SLC43A2: variants seen among roughly 807,000 people sequenced by gnomAD.
SLC43A2 encodes solute carrier family 43 member 2.
In SLC43A2, 38 loss-of-function variants were observed where a neutral mutation model predicts 63.2. The observed-to-expected ratio is 0.60, with a 90% CI of 0.46 to 0.79. SLC43A2 has a LOEUF of 0.79. Ranked by LOEUF, SLC43A2 falls within the 30% of genes least tolerant of loss-of-function variation. SLC43A2 has a pLI of 0.00. For missense variants in SLC43A2, 644 were observed against 756.2 expected, an observed-to-expected ratio of 0.85 and a Z score of 1.74; for synonymous variants, 322 against 331.0, an observed-to-expected ratio of 0.97 and a Z score of 0.30.
chr17:1,591,023 A>C (rs1904717409), intron 8 of SLC43A2, 75 bp from the exon 9 acceptor site: 1 of 1,482,862 alleles, frequency 6.7e-7, no homozygotes, highest in East Asian at 2.5e-5. Context: ...AGATCCCTCC[A>C]CGCTGGAGGC....
chr17:1,584,913 T>C (rs1052863924), intron 10 of SLC43A2, among the ~76,000 whole-genome samples: 7 of 152,210 alleles, frequency 4.6e-5, no homozygotes, highest in African/African-American at 1.7e-4. Flanking sequence ...CTCCAGTACC[T>C]TGTTTAATCT....
intron 12 of SLC43A2, among the ~76,000 whole-genome samples, chr17:1,576,989 C>T (rs1329353875): frequency 6.6e-6 from 1 of 152,008 alleles, no homozygotes; most frequent in East Asian, 1.9e-4. Context: ...CTCAGCCTCC[C>T]TAGTAGCTGG....
chr17:1,586,927 A>AGGGCGCCCCCCCC, intron 9 of SLC43A2: 1 of 1,355,944 alleles, frequency 7.4e-7, no homozygotes, highest in Non-Finnish European at 1.0e-6. Context: ...TTCCCTGACA[A>AGGGCGCCCCCCCC]TCCCCCCCAC....
rs1021356452 is a variant in SLC43A2 at position 1,616,000 on chromosome 17, G to A, written c.368+562C>T. Among the ~76,000 whole-genome samples, 15 of 144,470 alleles carry A rather than the reference G, an allele frequency of 1.0e-4. 1 individual carries two copies. The highest frequency in any genetic ancestry group is 1.9e-4 in the Non-Finnish European group (13 of 67,054). The allele number at this position is 144,470 out of a possible 152,430, so 94.8% of individuals were successfully genotyped here. On this transcript the variant is annotated intron_variant, in intron 3 of 13. Coordinates refer to ENST00000301335, the MANE Select transcript of SLC43A2 (RefSeq NM_152346.3). Reference sequence around the variant, plus strand: ...AGAGGTTGCCGTGAGCCGAGATCACGCCACTGCACTCCAGCCTGGGCGACA... The same window carrying A: ...AGAGGTTGCCGTGAGCCGAGATCACACCACTGCACTCCAGCCTGGGCGACA...
At position 1,575,234 on chromosome 17, in the gene SLC43A2, G is replaced by T; in HGVS notation, c.*370C>A. 1 of 351,110 alleles carries T rather than the reference G, an allele frequency of 2.8e-6. No individual in the cohort carries two copies. Among genetic ancestry groups the T allele is most frequent in the Non-Finnish European group, 5.3e-6 (1 of 187,220 alleles). The allele number at this position is 351,110 out of a possible 1,614,324, so 21.7% of individuals were successfully genotyped here. ...TGGGCATGCAGCCGAGGGGCAGGTG[G>T]CAGGCAGGGGATGGCAGCCCCCTCT... On this transcript the variant is annotated 3_prime_UTR_variant, in exon 14 of 14. Coordinates refer to ENST00000301335, the MANE Select transcript of SLC43A2 (RefSeq NM_152346.3).
chr17:1,579,245 G>A (rs1480989384), intron 11 of SLC43A2, among the ~76,000 whole-genome samples: 3 of 151,300 alleles, frequency 2.0e-5, no homozygotes, highest in Non-Finnish European at 4.4e-5. Flanking sequence ...TGGATCATAT[G>A]AGGTCAGGAG....
Position 1,593,407 on chromosome 17 carries a change from G to T in SLC43A2, c.502-128C>A. On this transcript the variant is annotated intron_variant, in intron 5 of 13. Coordinates refer to ENST00000301335, the MANE Select transcript of SLC43A2 (RefSeq NM_152346.3). The surrounding 1 kb of genome is among the most constrained non-coding windows in gnomAD (Gnocchi z 5.3). ...GCGCCCCTTCCTGTGTGACTCACAG[G>T]GGCATTAGTTCAGGGGCAATGACCG... 1.2e-6 allele frequency: 1 copy of T among 804,022 alleles called. No homozygotes were observed. The highest frequency in any genetic ancestry group is 1.5e-5 in the South Asian group (1 of 65,002). 49.8% of individuals were successfully genotyped at this position (804,022 alleles called of 1,614,324 possible).
chr17:1,616,761 T>C lies in SLC43A2; in HGVS notation c.169A>G (p.Thr57Ala). ...GCTGTGCCGCCCACTGTGCCATTGG[T>C]GACATTCTCTGTGTGAAGAGGGAAG... ...SYLCTEPENVTNGTVGGTAEP... is the reference protein window; with the variant it reads ...SYLCTEPENVANGTVGGTAEP... The change falls in exon 3 of 14, where the codon ACC (threonine) becomes GCC (alanine). Residue 57 changes from threonine (T) to alanine (A), a missense_variant. By Grantham distance (58) the Thr-to-Ala change is moderately conservative. Transcript: ENST00000301335. The C allele has an allele frequency of 6.2e-7, 1 of 1,613,770 alleles. No individual in the cohort carries two copies. Among genetic ancestry groups the C allele is most frequent in the Non-Finnish European group, 8.5e-7 (1 of 1,180,002 alleles).
chr17:1,590,884 G>A lies in SLC43A2; in HGVS notation c.996C>T (p.Cys332=), dbSNP rs1375973012. Residue 332 remains cysteine (C), a synonymous_variant, in exon 9 of 14, where the codon TGC becomes TGT. Transcript: ENST00000301335. ...PILLLSLVTM[C]VTQLRLIFYM... ...AGAAGATGAGCCGCAGCTGCGTGAC[G>A]CACATGGTGACCAGGCTGAGCAGCA... is the stretch of plus-strand genomic sequence containing the variant. 34 of 1,553,146 alleles carry A rather than the reference G, an allele frequency of 2.2e-5. No homozygotes were observed. The highest frequency in any genetic ancestry group is 4.8e-5 in the East Asian group (2 of 41,512).
chr17:1,605,247 C>T lies in SLC43A2; in HGVS notation c.501+7948G>A. On this transcript the variant is annotated intron_variant, in intron 5 of 13. Transcript: ENST00000301335. The surrounding 1 kb of genome is among the most constrained non-coding windows in gnomAD (Gnocchi z 4.9). Reference sequence around the variant, plus strand: ...AAGCCCGTGACTCTCTCTCTTTCAGCCCCCTGGCTGCAGCATAAACAGGCC... The same window carrying T: ...AAGCCCGTGACTCTCTCTCTTTCAGTCCCCTGGCTGCAGCATAAACAGGCC... 2 of 1,071,714 alleles carry T rather than the reference C, an allele frequency of 1.9e-6. No individual in the cohort carries two copies. The highest frequency in any genetic ancestry group is 2.3e-6 in the Non-Finnish European group (2 of 879,694). 66.4% of individuals were successfully genotyped at this position (1,071,714 alleles called of 1,614,324 possible).
At chr17:1,625,375 T>TA (rs1908573363) in intron 2 of SLC43A2, among the ~76,000 whole-genome samples, 3 of 152,224 alleles carry the variant, frequency 2.0e-5, no homozygotes, top group African/African-American at 7.2e-5. Flanking sequence ...AAATTTTCTT[T>TA]AGAGAACAAA....
Position 1,578,344 on chromosome 17 carries a change from T to C in SLC43A2, c.1351-21A>G. 2 of 1,613,094 alleles carry C rather than the reference T, an allele frequency of 1.2e-6. No individual in the cohort carries two copies. Among genetic ancestry groups the C allele is most frequent in the Admixed American group, 1.7e-5 (1 of 59,978 alleles). The stretch of plus-strand genomic sequence containing the variant: ...AGGATCTGGGGGAGGAAAAGGCGAC[T>C]GTGGGCATAAGGCCTTAAGGGACCG... On this transcript the variant is annotated intron_variant, in intron 11 of 13. Coordinates refer to ENST00000301335, the MANE Select transcript of SLC43A2 (RefSeq NM_152346.3). The surrounding 1 kb of genome is among the most constrained non-coding windows in gnomAD (Gnocchi z 6.5).
chr17:1,605,187 A>T lies in SLC43A2; in HGVS notation c.501+8008T>A. The T allele has an allele frequency of 8.7e-7, 1 of 1,153,952 alleles. No homozygotes were observed. The highest frequency in any genetic ancestry group is 1.1e-6 in the Non-Finnish European group (1 of 930,280). 71.5% of individuals were successfully genotyped at this position (1,153,952 alleles called of 1,614,324 possible). ...CCTGTCCTGCCAGCCCGGGCTGTTC[A>T]CTCACTGCCTCCACGCAGCCTCAGT... On this transcript the variant is annotated intron_variant, in intron 5 of 13. Coordinates refer to ENST00000301335, the MANE Select transcript of SLC43A2 (RefSeq NM_152346.3). This position sits in a 1 kb window ranked among gnomAD's most constrained non-coding sequence, Gnocchi z 4.9.
intron 5 of SLC43A2, among the ~76,000 whole-genome samples, chr17:1,604,025 G>A (rs1213701753): frequency 2.0e-5 from 3 of 152,100 alleles, no homozygotes; most frequent in African/African-American, 4.8e-5. Context: ...TCAACTAGAG[G>A]TTTATTTTTC....
Position 1,585,975 on chromosome 17 carries a change from C to T in SLC43A2, c.1155G>A (p.Met385Ile). Residue 385 changes from methionine to isoleucine, a missense_variant, in exon 10 of 14, where the codon ATG becomes ATA. This residue lies in a region of SLC43A2 where 528 missense variants were observed against 623.6 expected (regional missense o/e 0.85). Coordinates refer to ENST00000301335, the MANE Select transcript of SLC43A2 (RefSeq NM_152346.3). The part of the protein sequence containing the change: ...LLTAPVIGYI[M>I]DWRLKECEDA... The stretch of plus-strand genomic sequence containing the variant: ...CTTCACACTCCTTCAGCCTCCAGTC[C>T]ATGATGTAGCCAATGACGGGGGCCG... 6.2e-7 allele frequency: 1 copy of T among 1,613,296 alleles called. No homozygotes were observed. Among genetic ancestry groups the T allele is most frequent in the Middle Eastern group, 1.7e-4 (1 of 6,056 alleles).
intron 5 of SLC43A2, among the ~76,000 whole-genome samples, chr17:1,611,491 G>A (rs8076586): frequency 2.0e-5 from 3 of 151,646 alleles, no homozygotes; most frequent in African/African-American, 4.8e-5. Flanking sequence ...AAAAATTAGC[G>A]AGGCGTGATG....
chr17:1,588,884 C>CGGGTGGTCGCGGGG (rs1567618836), intron 9 of SLC43A2, among the ~76,000 whole-genome samples: 1 of 152,178 alleles, frequency 6.6e-6, no homozygotes, highest in African/African-American at 2.4e-5. Context: ...GCCTCTGCCG[C>CGGGTGGTCGCGGGG]GGGTGGTCGC....
intron 3 of SLC43A2, among the ~76,000 whole-genome samples, chr17:1,615,998 A>T (rs1221873257): frequency 6.9e-6 from 1 of 145,888 alleles, no homozygotes; most frequent in African/African-American, 2.5e-5. Context: ...AGCCGAGATC[A>T]CGCCACTGCA....
intron 2 of SLC43A2, among the ~76,000 whole-genome samples, chr17:1,623,050 G>A (rs186657493): frequency 1.3e-5 from 2 of 152,320 alleles, no homozygotes; most frequent in Non-Finnish European, 2.9e-5. Context: ...AGGTTACAGT[G>A]AGCCGAGACT....
Sources: allele counts gnomAD v4.1 joint callset (sites outside exome capture counted in the v4.1 genomes callset), GRCh38; gene constraint gnomAD v4.1.1; regional missense constraint gnomAD v4.1.1; non-coding constraint Gnocchi (gnomAD v3.1); transcripts MANE v1.5; gene names NCBI Gene and HGNC (gene_info 2026-07-23, HGNC 2026-07-21).